TRHDE: variants seen among roughly 807,000 people sequenced by gnomAD.
TRHDE encodes the protein thyrotropin-releasing hormone-degrading ectoenzyme.
In TRHDE, 72 loss-of-function variants were observed where a neutral mutation model predicts 125.7. The observed-to-expected ratio is 0.57, with a 90% CI of 0.47 to 0.70. The LOEUF is 0.70. Among genes scored for constraint, TRHDE ranks in the 30% least tolerant of loss-of-function variants. The pLI is 0.00. For missense variants in TRHDE, 1,110 were observed against 1,327.1 expected (o/e 0.84, Z 2.54); for synonymous variants, 509 against 509.1 (o/e 1.00, Z 0.00).
chr12:72,326,866 A>AT (rs1293683238), intron 2 of TRHDE, among the ~76,000 whole-genome samples: 1 of 152,174 alleles, frequency 6.6e-6, no homozygotes, highest in African/African-American at 2.4e-5. Context: ...ATTTTGACTT[A>AT]AATGGTGAAC....
At chr12:72,312,088 A>T (rs1017199444) in intron 2 of TRHDE, among the ~76,000 whole-genome samples, 1 of 152,160 alleles carries the variant, frequency 6.6e-6, no homozygotes, top group African/African-American at 2.4e-5. Context: ...AAACCCTGAG[A>T]AGTAGGTACT....
At chr12:72,331,095 A>T in intron 2 of TRHDE, among the ~76,000 whole-genome samples, 1 of 152,340 alleles carries the variant, frequency 6.6e-6, no homozygotes, top group Non-Finnish European at 1.5e-5. Flanking sequence ...TTTGCTAAGC[A>T]ATTCACATCT....
chr12:72,499,275 A>C (rs151023981), intron 5 of TRHDE, among the ~76,000 whole-genome samples: 258 of 152,264 alleles, frequency 1.7e-3, no homozygotes, highest in Middle Eastern at 0.014. Flanking sequence ...TTTAGGGACC[A>C]ATGTAGTGTC....
At chr12:72,206,333 T>G (rs1877664785) in intron 2 of TRHDE, among the ~76,000 whole-genome samples, 1 of 152,180 alleles carries the variant, frequency 6.6e-6, no homozygotes, top group Non-Finnish European at 1.5e-5. Context: ...CCTCAGGCGA[T>G]CCGCCTGCCT....
intron 6 of TRHDE, among the ~76,000 whole-genome samples, chr12:72,539,789 A>T: frequency 6.6e-6 from 1 of 151,894 alleles, no homozygotes; most frequent in East Asian, 1.9e-4. Flanking sequence ...ATGTTAGTTT[A>T]GCAAACAGTG....
intron 12 of TRHDE, among the ~76,000 whole-genome samples, chr12:72,576,001 C>A (rs1449356834): frequency 2.0e-5 from 3 of 152,076 alleles, no homozygotes; most frequent in African/African-American, 7.2e-5. Flanking sequence ...CCGTTCTTGA[C>A]AAAATATATA....
chr12:72,494,226 G>A (rs1877807532), intron 5 of TRHDE, among the ~76,000 whole-genome samples: 1 of 152,010 alleles, frequency 6.6e-6, no homozygotes, highest in Non-Finnish European at 1.5e-5. Flanking sequence ...AGGCTTCTAT[G>A]TATCTGCCTT....
chr12:72,581,724 T>G (rs558578971), intron 12 of TRHDE, among the ~76,000 whole-genome samples: 81 of 152,200 alleles, frequency 5.3e-4, no homozygotes, highest in Non-Finnish European at 2.9e-4. Flanking sequence ...TGTTAAGAAA[T>G]AAGACGTTAC....
chr12:72,540,615 T>C (rs1325487698), intron 6 of TRHDE, among the ~76,000 whole-genome samples: 2 of 151,606 alleles, frequency 1.3e-5, no homozygotes, highest in Admixed American at 1.3e-4. Flanking sequence ...TGCTGAAAAA[T>C]GGACAGTTTC....
chr12:72,517,947 G>C (rs895145166), intron 6 of TRHDE, among the ~76,000 whole-genome samples: 4 of 151,814 alleles, frequency 2.6e-5, no homozygotes, highest in African/African-American at 9.7e-5. Context: ...CCATGTAATT[G>C]AGCGGTTTTG....
chr12:72,640,015 G>A (rs1873972648), intron 15 of TRHDE, among the ~76,000 whole-genome samples: 1 of 152,144 alleles, frequency 6.6e-6, no homozygotes, highest in African/African-American at 2.4e-5. Context: ...GCCTCCTTGA[G>A]CTGTGGTGGG....
At chr12:72,371,654 T>C (rs895367551) in intron 2 of TRHDE, among the ~76,000 whole-genome samples, 1 of 151,940 alleles carries the variant, frequency 6.6e-6, no homozygotes, top group Non-Finnish European at 1.5e-5. Flanking sequence ...TGGTTTTCTG[T>C]CCTTGGGGTA....
At chr12:72,173,784 C>T (rs566407558) in intron 2 of TRHDE, among the ~76,000 whole-genome samples, 13 of 152,234 alleles carry the variant, frequency 8.5e-5, no homozygotes, top group African/African-American at 9.6e-5. Context: ...TTGCTCTGCG[C>T]GCGCACACAC....
chr12:72,457,623 T>G (rs188305226), intron 3 of TRHDE, among the ~76,000 whole-genome samples: 1 of 152,264 alleles, frequency 6.6e-6, no homozygotes, highest in East Asian at 1.9e-4. Flanking sequence ...CTATACAGTT[T>G]TAGACTAAGA....
intron 15 of TRHDE, among the ~76,000 whole-genome samples, chr12:72,642,899 GGTTTA>G (rs1253877538): frequency 6.6e-6 from 1 of 152,012 alleles, no homozygotes; most frequent in African/African-American, 2.4e-5. Context: ...TAATGACTTT[GGTTTA>G]TACAAAGAGA....
At chr12:72,317,946 G>T (rs1274048685) in intron 2 of TRHDE, among the ~76,000 whole-genome samples, 2 of 152,128 alleles carry the variant, frequency 1.3e-5, no homozygotes, top group African/African-American at 4.8e-5. Flanking sequence ...GTAAGAGGTT[G>T]GGGGAGTGGG....
At chr12:72,165,612 A>G (rs1020805153) in intron 2 of TRHDE, among the ~76,000 whole-genome samples, 2 of 152,126 alleles carry the variant, frequency 1.3e-5, no homozygotes, top group Non-Finnish European at 2.9e-5. Context: ...GTATGTATAT[A>G]TAAACATACA....
intron 3 of TRHDE, among the ~76,000 whole-genome samples, chr12:72,382,115 G>C (rs192835034): frequency 2.7e-4 from 41 of 152,320 alleles, no homozygotes; most frequent in African/African-American, 9.6e-4. Flanking sequence ...GGAGCATGTA[G>C]TTGATATTAA....
At chr12:72,145,946 C>G (rs1266209392) in intron 2 of TRHDE, among the ~76,000 whole-genome samples, 2 of 152,138 alleles carry the variant, frequency 1.3e-5, no homozygotes, top group Non-Finnish European at 2.9e-5. Context: ...TAAAAGTAAA[C>G]TTGTTCTATT....
Sources: gnomAD v4.1 joint callset for allele counts (sites outside exome capture counted in the v4.1 genomes callset) on GRCh38, gnomAD v4.1.1 for gene constraint, MANE v1.5 for transcripts, NCBI Gene and HGNC (gene_info 2026-07-23, HGNC 2026-07-21) for gene names.